The following FRMD4B variants were observed in gnomAD, a reference collection of about 807,000 sequenced individuals.
The protein encoded by FRMD4B is FERM domain-containing protein 4B.
FRMD4B carries 74 observed loss-of-function variants against 141.5 expected under a neutral mutation model. The ratio of observed to expected loss-of-function variants is 0.52; its 90% CI spans 0.43 to 0.63. The LOEUF is 0.63. Among genes scored for constraint, FRMD4B ranks in the 30% least tolerant of loss-of-function variants. The pLI is 0.00. For missense variants in FRMD4B, 1,366 were observed against 1,253.4 expected (o/e 1.09, Z -1.36); for synonymous variants, 506 against 467.9 (o/e 1.08, Z -1.05).
intron 1 of FRMD4B, among the ~76,000 whole-genome samples, chr3:69,321,288 G>A (rs373303277): frequency 2.6e-5 from 4 of 152,268 alleles, no homozygotes; most frequent in South Asian, 2.1e-4. Flanking sequence ...AGCCTACTTC[G>A]GCTTTGCTTT....
intron 1 of FRMD4B, among the ~76,000 whole-genome samples, chr3:69,330,850 T>C (rs1299990728): frequency 6.6e-6 from 1 of 152,208 alleles, no homozygotes; most frequent in Non-Finnish European, 1.5e-5. Flanking sequence ...GCTATCTTTC[T>C]GGAATCTTTT....
At chr3:69,498,022 C>T (rs1995178) in intron 1 of FRMD4B, among the ~76,000 whole-genome samples, 83,752 of 152,070 alleles carry the variant, frequency 0.55, 23,657 homozygotes, top group African/African-American at 0.69. Flanking sequence ...TTAAATTGCA[C>T]GTATACCATC....
intron 1 of FRMD4B, among the ~76,000 whole-genome samples, chr3:69,379,772 T>C (rs1000406167): frequency 1.3e-5 from 2 of 152,262 alleles, no homozygotes; most frequent in African/African-American, 2.4e-5. Flanking sequence ...CATCAGCTAC[T>C]GAACTTTAAG....
intron 1 of FRMD4B, among the ~76,000 whole-genome samples, chr3:69,362,211 G>A (rs980389073): frequency 8.5e-5 from 13 of 152,098 alleles, no homozygotes; most frequent in Non-Finnish European, 1.5e-4. Flanking sequence ...TAACTTTGAG[G>A]TCGGGACTAT....
At chr3:69,243,419 A>T (rs1185428398) in intron 7 of FRMD4B, among the ~76,000 whole-genome samples, 1 of 152,228 alleles carries the variant, frequency 6.6e-6, no homozygotes, top group Non-Finnish European at 1.5e-5. Context: ...GCAGATACTA[A>T]GGAGTATGCA....
chr3:69,172,885 A>T (rs1052744323), intron 22 of FRMD4B, among the ~76,000 whole-genome samples: 1 of 151,670 alleles, frequency 6.6e-6, no homozygotes, highest in African/African-American at 2.4e-5. Context: ...TTTTTTTTTT[A>T]AAGTCTTTGG....
At chr3:69,188,809 G>A (rs114394806) in intron 18 of FRMD4B, among the ~76,000 whole-genome samples, 288 of 151,702 alleles carry the variant, frequency 1.9e-3, no homozygotes, top group African/African-American at 6.4e-3. Flanking sequence ...AGCAGTGGGG[G>A]TGTGGTTTCC....
At chr3:69,274,342 T>C (rs1397174815) in intron 5 of FRMD4B, among the ~76,000 whole-genome samples, 2 of 152,038 alleles carry the variant, frequency 1.3e-5, no homozygotes, top group East Asian at 3.9e-4. Context: ...AAAATGTAAG[T>C]ACGATGCCCA....
At chr3:69,348,010 C>T (rs1375843211) in intron 1 of FRMD4B, among the ~76,000 whole-genome samples, 1 of 152,030 alleles carries the variant, frequency 6.6e-6, no homozygotes, top group Admixed American at 6.6e-5. Flanking sequence ...GATAGAGACA[C>T]TAAAAACCCT....
chr3:69,450,037 GTTCCT>G (rs1705470742), intron 1 of FRMD4B, among the ~76,000 whole-genome samples: 2 of 150,948 alleles, frequency 1.3e-5, no homozygotes, highest in Admixed American at 1.3e-4. Context: ...GGAGAACAAG[GTTCCT>G]CAGCGTCAGT....
intron 5 of FRMD4B, among the ~76,000 whole-genome samples, chr3:69,283,838 C>T (rs557511010): frequency 6.6e-6 from 1 of 152,068 alleles, no homozygotes; most frequent in Admixed American, 6.6e-5. Context: ...TGTAGTAAAG[C>T]CTTTGATGCT....
At chr3:69,284,220 C>T (rs2107038606) in intron 5 of FRMD4B, among the ~76,000 whole-genome samples, 1 of 152,102 alleles carries the variant, frequency 6.6e-6, no homozygotes, top group Non-Finnish European at 1.5e-5. Flanking sequence ...AACAGTCTGC[C>T]AGAGAAAAGA....
At chr3:69,465,726 C>A (rs750701743) in intron 1 of FRMD4B, among the ~76,000 whole-genome samples, 12 of 152,044 alleles carry the variant, frequency 7.9e-5, no homozygotes, top group Non-Finnish European at 1.6e-4. Flanking sequence ...TGAACTCATC[C>A]TTTTTTATGG....
rs1318705514 is a variant in FRMD4B, at chr3:69,221,995, C to T, written c.666-72G>A. ...GGTACAGGCACAGTTTCCACATTAT[C>T]AGGTGGCTGTCAGGAAACTTGAGAG... On this transcript the variant is annotated intron_variant, in intron 8 of 22. Coordinates refer to ENST00000398540, the MANE Select transcript of FRMD4B (RefSeq NM_015123.3). The T allele has an allele frequency of 8.6e-6, 7 of 810,804 alleles. No homozygotes were observed. In the East Asian group the frequency reaches 1.9e-4, roughly 21 times the overall value. 50.2% of individuals were successfully genotyped at this position (810,804 alleles called of 1,614,324 possible).
At chr3:69,456,385 A>G (rs561407304) in intron 1 of FRMD4B, among the ~76,000 whole-genome samples, 5 of 152,322 alleles carry the variant, frequency 3.3e-5, no homozygotes, top group Admixed American at 2.0e-4. Flanking sequence ...CAAGGAATTT[A>G]CCCTAAGGAA....
chr3:69,487,005 C>T (rs1706226498), intron 1 of FRMD4B, among the ~76,000 whole-genome samples: 2 of 152,136 alleles, frequency 1.3e-5, no homozygotes, highest in African/African-American at 2.4e-5. Context: ...TAGACCTTGC[C>T]TTTCTCTACA....
At chr3:69,208,749 C>T (rs2093048675) in intron 11 of FRMD4B, among the ~76,000 whole-genome samples, 1 of 152,170 alleles carries the variant, frequency 6.6e-6, no homozygotes, top group African/African-American at 2.4e-5. Context: ...TTACTTGTTT[C>T]TCACCAACCA....
intron 2 of FRMD4B, among the ~76,000 whole-genome samples, chr3:69,399,302 AAATCTGAG>A (rs1704521063): frequency 6.6e-6 from 1 of 152,188 alleles, no homozygotes; most frequent in Non-Finnish European, 1.5e-5. Context: ...ATCCGCTGAG[AAATCTGAG>A]AATGGGTGTC....
intron 8 of FRMD4B, among the ~76,000 whole-genome samples, chr3:69,223,704 T>G (rs1297467728): frequency 2.0e-5 from 3 of 152,100 alleles, no homozygotes; most frequent in East Asian, 3.9e-4. Flanking sequence ...CCGAGCCTAG[T>G]GGAGGGTGCC....
Sources: allele counts gnomAD v4.1 joint callset (sites outside exome capture counted in the v4.1 genomes callset), GRCh38; gene constraint gnomAD v4.1.1; transcripts MANE v1.5; gene names NCBI Gene and HGNC (gene_info 2026-07-23, HGNC 2026-07-21).